BBS9: variants seen among roughly 807,000 people sequenced by gnomAD.
BBS9 encodes the protein Bardet-Biedl syndrome 9, also known as protein PTHB1.
Under a neutral mutation model 117.7 loss-of-function variants are expected in BBS9, and 89 were observed. The observed-to-expected ratio is 0.76, with a 90% CI of 0.64 to 0.90. BBS9 has a LOEUF of 0.90. Among genes scored for constraint, BBS9 ranks in the 40% least tolerant of loss-of-function variants. BBS9 has a pLI of 0.00. For synonymous variants in BBS9, 379 were observed against 370.9 expected (o/e 1.02, Z -0.25); for missense variants, 982 against 1,042.2 (o/e 0.94, Z 0.80).
At chr7:33,178,138 C>T (rs1285629738) in intron 5 of BBS9, among the ~76,000 whole-genome samples, 1 of 152,202 alleles carries the variant, frequency 6.6e-6, no homozygotes, top group Non-Finnish European at 1.5e-5. Context: ...TCTGGGGCTG[C>T]TGTACAGGGT....
Position 33,532,309 on chromosome 7 carries a change from C to T in BBS9, c.2299-1645C>T, listed in dbSNP as rs373922830. On this transcript the variant is annotated intron_variant, in intron 20 of 22. Transcript: ENST00000242067. ...GAATACAGTGGAGCAAGAGCTGGAG[C>T]AGAAAGTTCCTTAAATGCCAGTCTG... Among the ~76,000 whole-genome samples, 267 of 152,282 alleles carry T rather than the reference C, an allele frequency of 1.8e-3. 1 individual carries two copies. Among genetic ancestry groups the T allele is most frequent in the African/African-American group, 6.0e-3 (250 of 41,544 alleles).
At chr7:33,526,062 T>A (rs950593162) in intron 20 of BBS9, among the ~76,000 whole-genome samples, 4 of 151,686 alleles carry the variant, frequency 2.6e-5, no homozygotes, top group African/African-American at 9.7e-5. Context: ...TCTTTAAGAA[T>A]GTTGAATATT....
intron 17 of BBS9, among the ~76,000 whole-genome samples, chr7:33,371,612 G>A (rs1046614575): frequency 6.6e-6 from 1 of 152,110 alleles, no homozygotes; most frequent in Non-Finnish European, 1.5e-5. Context: ...TTGCGGGAGG[G>A]TTTGAGGAAT....
At chr7:33,571,022 A>C (rs1857683282) in intron 21 of BBS9, among the ~76,000 whole-genome samples, 1 of 152,198 alleles carries the variant, frequency 6.6e-6, no homozygotes, top group Non-Finnish European at 1.5e-5. Flanking sequence ...ATTTGAATAA[A>C]GTCTGTCAGC....
intron 19 of BBS9, among the ~76,000 whole-genome samples, chr7:33,408,021 C>G (rs907843368): frequency 1.1e-4 from 17 of 152,222 alleles, no homozygotes; most frequent in Non-Finnish European, 2.1e-4. Context: ...TTTTGTTTGT[C>G]TGTGCCCTGC....
chr7:33,177,748 C>T, intron 5 of BBS9, 157 bp downstream of exon 5: 1 of 652,204 alleles, frequency 1.5e-6, no homozygotes, highest in East Asian at 2.8e-5. Flanking sequence ...AAGTCTATGG[C>T]CATACCACCC....
intron 19 of BBS9, among the ~76,000 whole-genome samples, chr7:33,413,054 A>G (rs989729659): frequency 1.3e-5 from 2 of 150,500 alleles, no homozygotes; most frequent in African/African-American, 4.8e-5. Flanking sequence ...TTTTACTATG[A>G]GTTAATTTTT....
At chr7:33,364,686 C>G (rs1409084747) in intron 16 of BBS9, among the ~76,000 whole-genome samples, 1 of 103,188 alleles carries the variant, frequency 9.7e-6, no homozygotes, top group Admixed American at 1.0e-4. Flanking sequence ...TCCTTTCCCC[C>G]CTCCCCCTCC....
chr7:33,363,326 C>T (rs1820986597), intron 16 of BBS9, among the ~76,000 whole-genome samples: 1 of 152,308 alleles, frequency 6.6e-6, no homozygotes, highest in South Asian at 2.1e-4. Flanking sequence ...TGGTCTCGAA[C>T]TCCTGACCTC....
intron 11 of BBS9, among the ~76,000 whole-genome samples, chr7:33,342,709 C>CG (rs1402038242): frequency 1.3e-5 from 2 of 152,088 alleles, no homozygotes; most frequent in African/African-American, 4.8e-5. Context: ...GGTGCCATGA[C>CG]GTCTTCTTAT....
chr7:33,253,943 A>G (rs989180199), intron 5 of BBS9, among the ~76,000 whole-genome samples: 1 of 152,228 alleles, frequency 6.6e-6, no homozygotes, highest in East Asian at 1.9e-4. Context: ...TGATTCTACT[A>G]CTAAAGAAAG....
intron 20 of BBS9, among the ~76,000 whole-genome samples, chr7:33,532,107 G>A (rs1387785323): frequency 6.6e-6 from 1 of 152,248 alleles, no homozygotes; most frequent in African/African-American, 2.4e-5. Context: ...CTGGGTGTGT[G>A]AAGTCTCAGA....
chr7:33,234,557 T>C (rs1793116526), intron 5 of BBS9, among the ~76,000 whole-genome samples: 3 of 152,048 alleles, frequency 2.0e-5, no homozygotes, highest in South Asian at 2.1e-4. Context: ...TATATTCACA[T>C]TGTTTTACAT....
intron 20 of BBS9, among the ~76,000 whole-genome samples, chr7:33,508,801 A>C (rs1348011321): frequency 6.6e-6 from 1 of 152,210 alleles, no homozygotes; most frequent in East Asian, 1.9e-4. Context: ...GGTTAGACTC[A>C]AAGGAAGACT....
chr7:33,264,329 G>A lies in BBS9; in HGVS notation c.657G>A (p.Arg219=), dbSNP rs1307359911. 1 of 1,575,300 alleles carries A rather than the reference G, an allele frequency of 6.3e-7. No homozygotes were observed. Among genetic ancestry groups the A allele is most frequent in the Non-Finnish European group, 8.6e-7 (1 of 1,160,082 alleles). Residue 219 remains arginine (R), a synonymous_variant, in exon 7 of 23, where the codon AGG becomes AGA. Coordinates refer to ENST00000242067, the MANE Select transcript of BBS9 (RefSeq NM_198428.3). ...CTTTTGCAACAGATGCAGATAAAAG[G>A]CAGGAGACTGAACAGCAAAAACTTG... The part of the protein sequence containing the change: ...VLAFATDADK[R]QETEQQKLGS...
chr7:33,170,112 A>G (rs1796310535), intron 4 of BBS9, among the ~76,000 whole-genome samples: 1 of 151,814 alleles, frequency 6.6e-6, no homozygotes, highest in South Asian at 2.1e-4. Context: ...TGAGGCCAGC[A>G]TCATTCTGAT....
intron 21 of BBS9, among the ~76,000 whole-genome samples, chr7:33,596,374 T>TCTATCTAG (rs1228204698): frequency 1.3e-5 from 2 of 150,692 alleles, no homozygotes; most frequent in East Asian, 3.9e-4. Context: ...TATCTATCTA[T>TCTATCTAG]CTATCTATCT....
intron 17 of BBS9, chr7:33,380,237 G>A: frequency 5.5e-6 from 1 of 180,634 alleles, no homozygotes; most frequent in Non-Finnish European, 1.2e-5. Flanking sequence ...TGGTCATCAT[G>A]TCCACACCAG....
chr7:33,311,871 A>AT (rs1309902076), intron 9 of BBS9, among the ~76,000 whole-genome samples: 4 of 151,896 alleles, frequency 2.6e-5, no homozygotes, highest in East Asian at 1.9e-4. Context: ...AGCAATGGCT[A>AT]TTTTTTTTCT....
Sources: allele counts gnomAD v4.1 joint callset (sites outside exome capture counted in the v4.1 genomes callset), GRCh38; gene constraint gnomAD v4.1.1; transcripts MANE v1.5; gene names NCBI Gene and HGNC (gene_info 2026-07-23, HGNC 2026-07-21).